Variants in VGLL4 observed in about 807,000 individuals in gnomAD.
VGLL4 encodes vestigial like family member 4.
In VGLL4, 7 loss-of-function variants were observed where a neutral mutation model predicts 21.0. The ratio of observed to expected loss-of-function variants is 0.33; its 90% CI spans 0.19 to 0.63. VGLL4 has a LOEUF of 0.63. Among genes scored for constraint, VGLL4 ranks in the 20% least tolerant of loss-of-function variants. The pLI is 0.78. For synonymous variants in VGLL4, 222 were observed against 173.2 expected (o/e 1.28, Z -2.21); for missense variants, 394 against 425.7 (o/e 0.93, Z 0.66).
At position 11,612,422 on chromosome 3, in the gene VGLL4, T is replaced by A. The variant is rs557056728; in HGVS notation, c.83-10400A>T. ...TTTTGGCTTGAAGAAAACTCAGGTA[T>A]GTAACACAACACAAACAGCCTGAAG... On this transcript the variant is annotated intron_variant, in intron 1 of 4. Coordinates refer to ENST00000430365, the MANE Select transcript of VGLL4 (RefSeq NM_001128219.3). 2.0e-5 allele frequency among the ~76,000 whole-genome samples: 3 copies of A among 152,362 alleles called. No homozygotes were observed. In the South Asian group the frequency reaches 6.2e-4, roughly 32 times the overall value.
intron 1 of VGLL4, among the ~76,000 whole-genome samples, chr3:11,628,774 C>G (rs1198766834): frequency 6.6e-6 from 1 of 152,132 alleles, no homozygotes; most frequent in South Asian, 2.1e-4. Flanking sequence ...GAGCAGAGAT[C>G]GCACCACTTC....
intron 2 of VGLL4, among the ~76,000 whole-genome samples, chr3:11,668,560 C>T (rs2076160087): frequency 6.6e-6 from 1 of 152,158 alleles, no homozygotes; most frequent in Non-Finnish European, 1.5e-5. Context: ...GAAGGACAGG[C>T]CTATCCCATG....
At chr3:11,657,292 A>G (rs1259283946) in intron 2 of VGLL4, among the ~76,000 whole-genome samples, 1 of 152,100 alleles carries the variant, frequency 6.6e-6, no homozygotes, top group Non-Finnish European at 1.5e-5. Flanking sequence ...TGCAATCTCA[A>G]GACAGAATGT....
chr3:11,582,991 C>T (rs1003341124), intron 2 of VGLL4, among the ~76,000 whole-genome samples: 32 of 152,204 alleles, frequency 2.1e-4, no homozygotes, highest in African/African-American at 7.5e-4. Context: ...TCTTGGTGAA[C>T]TTACAGGTGG....
intron 1 of VGLL4, among the ~76,000 whole-genome samples, chr3:11,631,529 A>G (rs1327671667): frequency 6.6e-6 from 1 of 152,194 alleles, no homozygotes; most frequent in Non-Finnish European, 1.5e-5. Context: ...GTCTGCCTTA[A>G]GGATCTATAC....
chr3:11,643,378 C>T (rs1024301040), intron 1 of VGLL4, 59 bp downstream of exon 1: 4 of 1,613,328 alleles, frequency 2.5e-6, no homozygotes, highest in Admixed American at 1.7e-5. Context: ...GCACCCAGCA[C>T]ACTGAGGAGG....
At chr3:11,628,257 G>A (rs2075396551) in intron 1 of VGLL4, among the ~76,000 whole-genome samples, 3 of 152,038 alleles carry the variant, frequency 2.0e-5, no homozygotes. Context: ...GCATGGTGGT[G>A]CATGCCTGTG....
chr3:11,670,840 C>T (rs528641777), intron 2 of VGLL4, among the ~76,000 whole-genome samples: 3 of 152,250 alleles, frequency 2.0e-5, no homozygotes, highest in Admixed American at 2.0e-4. Context: ...GAGTTTGAGA[C>T]CAGCCTGGCC....
At chr3:11,594,215 C>A (rs907981622) in intron 2 of VGLL4, among the ~76,000 whole-genome samples, 1 of 152,212 alleles carries the variant, frequency 6.6e-6, no homozygotes, top group Non-Finnish European at 1.5e-5. Context: ...GCTATGGCAT[C>A]ATCAAATGAT....
At chr3:11,583,051 A>T (rs1373626246) in intron 2 of VGLL4, among the ~76,000 whole-genome samples, 2 of 152,176 alleles carry the variant, frequency 1.3e-5, no homozygotes, top group Admixed American at 1.3e-4. Flanking sequence ...CGCCAGCATC[A>T]AGTAGCCCGG....
At chr3:11,688,537 T>C (rs1427066518) in intron 2 of VGLL4, among the ~76,000 whole-genome samples, 1 of 152,222 alleles carries the variant, frequency 6.6e-6, no homozygotes, top group Non-Finnish European at 1.5e-5. Context: ...TTGTATAGTA[T>C]TCTCATCTAT....
At chr3:11,690,375 G>T (rs570573862) in intron 2 of VGLL4, among the ~76,000 whole-genome samples, 1 of 152,252 alleles carries the variant, frequency 6.6e-6, no homozygotes, top group South Asian at 2.1e-4. Flanking sequence ...GAGAGAAGCT[G>T]GATGCATGTG....
At chr3:11,579,273 A>G (rs2074156734) in intron 2 of VGLL4, among the ~76,000 whole-genome samples, 1 of 152,180 alleles carries the variant, frequency 6.6e-6, no homozygotes. Flanking sequence ...CATTACTTAA[A>G]GAAAAAATTA....
chr3:11,566,293 G>GA (rs2073509565), intron 2 of VGLL4, among the ~76,000 whole-genome samples: 1 of 152,204 alleles, frequency 6.6e-6, no homozygotes, highest in African/African-American at 2.4e-5. Flanking sequence ...TCAGTTGTAA[G>GA]AAACAACACA....
chr3:11,590,660 A>AAG (rs1399698105), intron 2 of VGLL4, among the ~76,000 whole-genome samples: 3 of 121,708 alleles, frequency 2.5e-5, no homozygotes, highest in South Asian at 6.0e-4. Context: ...TTTCAAAATG[A>AAG]AGAGTGTGTG....
chr3:11,629,734 C>T (rs2075435803), intron 1 of VGLL4, among the ~76,000 whole-genome samples: 1 of 118,792 alleles, frequency 8.4e-6, no homozygotes, highest in South Asian at 2.8e-4. Context: ...GGCTACAGAG[C>T]GAGACGGGTC....
chr3:11,580,018 A>G (rs970187867), intron 2 of VGLL4, among the ~76,000 whole-genome samples: 1 of 152,150 alleles, frequency 6.6e-6, no homozygotes, highest in Non-Finnish European at 1.5e-5. Context: ...ACAGTTTTTC[A>G]TATTTTTTTT....
intron 2 of VGLL4, among the ~76,000 whole-genome samples, chr3:11,578,618 TAATA>T (rs1242298006): frequency 1.4e-4 from 21 of 150,584 alleles, no homozygotes; most frequent in Admixed American, 4.0e-4. Flanking sequence ...AAAGTAATAA[TAATA>T]AATAAATAAA....
chr3:11,575,334 T>C (rs918102321), intron 2 of VGLL4, among the ~76,000 whole-genome samples: 6 of 152,206 alleles, frequency 3.9e-5, no homozygotes, highest in Non-Finnish European at 8.8e-5. Context: ...TTCCAGTCAC[T>C]GTGCTCTCAA....
Sources: allele counts gnomAD v4.1 joint callset (sites outside exome capture counted in the v4.1 genomes callset), GRCh38; gene constraint gnomAD v4.1.1; transcripts MANE v1.5; gene names NCBI Gene and HGNC (gene_info 2026-07-23, HGNC 2026-07-21).